Variants in ZNF90 observed in about 807,000 individuals in gnomAD.
ZNF90 encodes the protein zinc finger protein 90.
In ZNF90, 11 loss-of-function variants were observed where a neutral mutation model predicts 12.0. That is an observed-to-expected ratio of 0.92 (90% CI 0.58 to 1.52). The LOEUF (loss-of-function observed/expected upper bound fraction) is 1.52. Among genes scored for constraint, ZNF90 ranks in the 40% most tolerant of loss-of-function variants. The pLI is 0.00. For missense variants in ZNF90, 765 were observed against 711.5 expected (o/e 1.08, Z -0.86); for synonymous variants, 232 against 240.1 (o/e 0.97, Z 0.31).
At chr19:20,095,076 CAGA>C (rs2088932467) in intron 1 of ZNF90, among the ~76,000 whole-genome samples, 1 of 151,764 alleles carries the variant, frequency 6.6e-6, no homozygotes, top group Admixed American at 6.6e-5. Context: ...GGGGAAAGGT[CAGA>C]TGGGTCTGTA....
intron 1 of ZNF90, among the ~76,000 whole-genome samples, chr19:20,099,269 G>T (rs1475093980): frequency 6.6e-6 from 1 of 152,056 alleles, no homozygotes; most frequent in Non-Finnish European, 1.5e-5. Context: ...TGCCACCAGG[G>T]TTCAAGCGAT....
At chr19:20,113,586 T>C (rs547606605) in intron 3 of ZNF90, among the ~76,000 whole-genome samples, 73 of 151,998 alleles carry the variant, frequency 4.8e-4, no homozygotes, top group African/African-American at 1.7e-3. Flanking sequence ...TCCCAGCACT[T>C]TGGGAGGCCA....
intron 1 of ZNF90, among the ~76,000 whole-genome samples, chr19:20,097,279 T>C (rs1316681930): frequency 6.6e-6 from 1 of 152,174 alleles, no homozygotes; most frequent in African/African-American, 2.4e-5. Context: ...ACACATAAGG[T>C]GCCAATGAGA....
chr19:20,100,903 A>G (rs2088984238), intron 1 of ZNF90, among the ~76,000 whole-genome samples: 1 of 152,224 alleles, frequency 6.6e-6, no homozygotes, highest in Non-Finnish European at 1.5e-5. Context: ...ACCTGAGAGC[A>G]GAGGGGGAGG....
intron 1 of ZNF90, among the ~76,000 whole-genome samples, chr19:20,093,341 A>G (rs2088917239): frequency 6.6e-6 from 1 of 152,222 alleles, no homozygotes; most frequent in Non-Finnish European, 1.5e-5. Flanking sequence ...TAATCATTTT[A>G]AAGCATGCTG....
At chr19:20,116,952 A>G (rs1486656973) in intron 3 of ZNF90, among the ~76,000 whole-genome samples, 1 of 151,260 alleles carries the variant, frequency 6.6e-6, no homozygotes, top group African/African-American at 2.4e-5. Context: ...AGCCAGAAAT[A>G]AAGATGTATG....
intron 1 of ZNF90, among the ~76,000 whole-genome samples, chr19:20,078,386 C>T (rs751017659): frequency 1.1e-4 from 16 of 152,014 alleles, no homozygotes. Context: ...ACCCACAGCG[C>T]TGCGTCTCTC....
rs1555704286 is a variant in ZNF90 at position 20,105,291 on chromosome 19, A to G, written c.201A>G (p.Arg67=). The part of the protein sequence containing the change: ...EQGKKPFTVK[R]HEMIAKSPVM... Reference sequence around the variant, plus strand: ...GAAAAAAACCCTTCACTGTGAAGAGACATGAGATGATTGCCAAATCCCCAG... The same window carrying G: ...GAAAAAAACCCTTCACTGTGAAGAGGCATGAGATGATTGCCAAATCCCCAG... The change falls in exon 3 of 4, where the codon AGA becomes AGG. Residue 67 remains arginine, a synonymous_variant. Transcript: ENST00000418063. The G allele has an allele frequency of 2.5e-6, 4 of 1,607,460 alleles. No homozygotes were observed. The highest frequency in any genetic ancestry group is 3.4e-6 in the Non-Finnish European group (4 of 1,176,380).
chr19:20,101,314 G>A (rs762819725), intron 1 of ZNF90, among the ~76,000 whole-genome samples: 2 of 152,162 alleles, frequency 1.3e-5, no homozygotes, highest in Non-Finnish European at 2.9e-5. Context: ...AAGACTCACC[G>A]CATGGCCCAA....
rs1555704366 is a variant in ZNF90 at position 20,106,044 on chromosome 19, C to CATTTTTTT, written c.226+728_226+729insATTTTTTT. Among the ~76,000 whole-genome samples the CATTTTTTT allele has an allele frequency of 2.0e-3, 142 of 71,002 alleles. 3 individuals are homozygous for CATTTTTTT. Among genetic ancestry groups the CATTTTTTT allele is most frequent in the African/African-American group, 4.5e-3 (84 of 18,788 alleles). 46.6% of individuals were successfully genotyped at this position (71,002 alleles called of 152,430 possible). ...TTATTTGGAACTTCTCTAATTTTTTCTTTTTTTTTTTTTTTTTTTTTTTGG... is the reference window on the plus strand; with the variant it reads ...TTATTTGGAACTTCTCTAATTTTTTCATTTTTTTTTTTTTTTTTTTTTTTTTTTTTTGG... On this transcript the variant is annotated intron_variant, in intron 3 of 3. Transcript: ENST00000418063.
intron 1 of ZNF90, among the ~76,000 whole-genome samples, chr19:20,079,077 C>A (rs1033737844): frequency 6.7e-6 from 1 of 150,020 alleles, no homozygotes; most frequent in Non-Finnish European, 1.5e-5. Context: ...TGAGATCCCT[C>A]CATCGCGCTC....
intron 3 of ZNF90, among the ~76,000 whole-genome samples, chr19:20,108,462 AC>A (rs2122513420): frequency 1.3e-5 from 2 of 152,182 alleles, no homozygotes; most frequent in East Asian, 3.9e-4. Context: ...GGCACTTGCC[AC>A]CACTCCCGGC....
rs144304965 is a variant in ZNF90 at position 20,098,969 on chromosome 19, A to G, written c.4-5270A>G. On this transcript the variant is annotated intron_variant, in intron 1 of 3. Coordinates refer to ENST00000418063, the MANE Select transcript of ZNF90 (RefSeq NM_007138.2). ...CCATTTCATATGGCCATTAAAAAAA[A>G]TACATGAAGCAGTCATGGTTCCAAC... 5.2e-3 allele frequency among the ~76,000 whole-genome samples: 785 copies of G among 152,308 alleles called. 7 individuals carry two copies. Among genetic ancestry groups the G allele is most frequent in the African/African-American group, 0.018 (753 of 41,550 alleles).
intron 1 of ZNF90, among the ~76,000 whole-genome samples, chr19:20,096,075 G>A (rs1466381252): frequency 6.6e-6 from 1 of 152,152 alleles, no homozygotes; most frequent in Non-Finnish European, 1.5e-5. Flanking sequence ...GAAAATGAAA[G>A]GAATTGAAAT....
chr19:20,104,442 G>A, intron 2 of ZNF90, 77 bp downstream of exon 2: 1 of 1,491,406 alleles, frequency 6.7e-7, no homozygotes, highest in Non-Finnish European at 9.0e-7. Context: ...ATGATTTTTA[G>A]TAATGTATTG....
chr19:20,118,086 T>C lies in ZNF90; in HGVS notation c.532T>C (p.Cys178Arg), dbSNP rs782295581. The change falls in exon 4 of 4, where the codon TGT becomes CGT. Residue 178 changes from cysteine to arginine, a missense_variant. Transcript: ENST00000418063. The part of the protein sequence containing the change: ...TGKKPFKCIE[C>R]GKAFNQSSTL... ...AAAAAAACCTTTCAAATGTATAGAA[T>C]GTGGCAAAGCTTTCAACCAGTCCTC... 2.3e-5 allele frequency: 37 copies of C among 1,613,584 alleles called. No individual in the cohort carries two copies. Among genetic ancestry groups the C allele is most frequent in the Non-Finnish European group, 2.8e-5 (33 of 1,179,788 alleles).
intron 3 of ZNF90, among the ~76,000 whole-genome samples, chr19:20,114,038 A>G (rs530226598): frequency 6.6e-6 from 1 of 152,308 alleles, no homozygotes; most frequent in South Asian, 2.1e-4. Context: ...TACGCCTGTA[A>G]TCGCATCACT....
intron 1 of ZNF90, among the ~76,000 whole-genome samples, chr19:20,091,265 C>T (rs1443237461): frequency 6.6e-6 from 1 of 151,962 alleles, no homozygotes; most frequent in African/African-American, 2.4e-5. Context: ...CCTGAACAAT[C>T]CCTGAGGGGT....
chr19:20,107,496 G>C (rs1429050325), intron 3 of ZNF90, among the ~76,000 whole-genome samples: 1 of 152,110 alleles, frequency 6.6e-6, no homozygotes, highest in Non-Finnish European at 1.5e-5. Flanking sequence ...CCTTATTTTG[G>C]AATGGCATCT....
Sources: allele counts gnomAD v4.1 joint callset (sites outside exome capture counted in the v4.1 genomes callset), GRCh38; gene constraint gnomAD v4.1.1; transcripts MANE v1.5; gene names NCBI Gene and HGNC (gene_info 2026-07-23, HGNC 2026-07-21).